BBX: variants seen among roughly 807,000 people sequenced by gnomAD.
BBX encodes BBX high mobility group box domain containing, also known as HMG box transcription factor BBX.
BBX carries 30 observed loss-of-function variants against 100.2 expected under a neutral mutation model. The observed-to-expected ratio is 0.30, with a 90% CI of 0.22 to 0.41. BBX has a LOEUF of 0.41. Among genes scored for constraint, BBX ranks in the 10% least tolerant of loss-of-function variants. The pLI is 1.00. For missense variants in BBX, 1,023 were observed against 1,129.8 expected (o/e 0.91, Z 1.35); for synonymous variants, 376 against 388.1 (o/e 0.97, Z 0.37).
chr3:107,640,451 A>G (rs937374352), intron 2 of BBX, among the ~76,000 whole-genome samples: 9 of 152,032 alleles, frequency 5.9e-5, no homozygotes, highest in Admixed American at 5.9e-4. Context: ...TGTATTCCCA[A>G]CTGCCATTGG....
chr3:107,797,364 A>ATATATATAT (rs71113691), intron 15 of BBX, among the ~76,000 whole-genome samples: 1 of 109,838 alleles, frequency 9.1e-6, no homozygotes, highest in Non-Finnish European at 1.9e-5. Flanking sequence ...ATATATATAT[A>ATATATATAT]GCTTTATTGC....
chr3:107,543,617 C>G (rs184349546), intron 2 of BBX, among the ~76,000 whole-genome samples: 3 of 152,154 alleles, frequency 2.0e-5, no homozygotes, highest in Non-Finnish European at 2.9e-5. Context: ...CCTGTGAAAA[C>G]AGAGCAAGAA....
chr3:107,587,419 T>G (rs2052939034), intron 2 of BBX, among the ~76,000 whole-genome samples: 1 of 152,136 alleles, frequency 6.6e-6, no homozygotes, highest in East Asian at 1.9e-4. Context: ...TTGGAATGAT[T>G]TGGATCTTCT....
chr3:107,731,001 A>G (rs2063283912), intron 6 of BBX, among the ~76,000 whole-genome samples: 1 of 152,180 alleles, frequency 6.6e-6, no homozygotes, highest in Non-Finnish European at 1.5e-5. Context: ...GTCACATGAC[A>G]TTTTGCAATT....
At chr3:107,635,380 T>C (rs2056788718) in intron 2 of BBX, among the ~76,000 whole-genome samples, 3 of 152,222 alleles carry the variant, frequency 2.0e-5, no homozygotes, top group Admixed American at 2.0e-4. Context: ...AAATGAATTG[T>C]GTGCCACTGT....
intron 2 of BBX, among the ~76,000 whole-genome samples, chr3:107,533,129 T>C (rs898643605): frequency 2.0e-5 from 3 of 152,182 alleles, no homozygotes. Flanking sequence ...AATTGTGAGG[T>C]ATTATCCTAG....
chr3:107,729,153 C>T (rs2063155881), intron 6 of BBX, among the ~76,000 whole-genome samples, 193 bp downstream of exon 6: 1 of 152,044 alleles, frequency 6.6e-6, no homozygotes, highest in Admixed American at 6.6e-5. Flanking sequence ...GATATATGGC[C>T]TCAGTGGTAG....
At position 107,700,411 on chromosome 3, in the gene BBX, CATCATTATTATTATTATT is replaced by C. The variant is rs1263349586; in HGVS notation, c.-9-10038_-9-10021del. ...AGGAGGCAAAGGTATTTTCTTTCAT[CATCATTATTATTATTATT>C]ATTATTATTATTATTATTATTATTA... On this transcript the variant is annotated intron_variant, in intron 3 of 17. Transcript: ENST00000325805. Among the ~76,000 whole-genome samples, 837 of 133,894 alleles carry C rather than the reference CATCATTATTATTATTATT, an allele frequency of 6.3e-3. 11 individuals are homozygous for C. Among genetic ancestry groups the C allele is most frequent in the South Asian group, 0.036 (157 of 4,340 alleles). The allele number at this position is 133,894 out of a possible 152,430, so 87.8% of individuals were successfully genotyped here.
intron 2 of BBX, among the ~76,000 whole-genome samples, chr3:107,550,859 T>C (rs1430069580): frequency 1.3e-5 from 2 of 152,102 alleles, no homozygotes; most frequent in Non-Finnish European, 2.9e-5. Flanking sequence ...GAGACCTGGA[T>C]AGAGGTAAGT....
intron 3 of BBX, among the ~76,000 whole-genome samples, chr3:107,690,221 GA>G (rs1302489462): frequency 6.6e-6 from 1 of 151,912 alleles, no homozygotes; most frequent in East Asian, 1.9e-4. Context: ...ATCTATCTTT[GA>G]AAAAAACTAA....
intron 2 of BBX, among the ~76,000 whole-genome samples, chr3:107,601,234 CACA>C (rs1034976515): frequency 1.3e-5 from 2 of 152,168 alleles, no homozygotes; most frequent in Admixed American, 6.5e-5. Context: ...TTGTCTCCAA[CACA>C]ACAATATTGA....
At chr3:107,711,197 A>G in intron 4 of BBX, 1 of 393,434 alleles carries the variant, frequency 2.5e-6, no homozygotes, top group Middle Eastern at 3.8e-4. Context: ...ATTCAAAGTC[A>G]AAAGATTTTC....
chr3:107,607,374 C>G (rs577460641), intron 2 of BBX, among the ~76,000 whole-genome samples: 3 of 152,164 alleles, frequency 2.0e-5, no homozygotes, highest in African/African-American at 7.2e-5. Flanking sequence ...AGCCACTGTG[C>G]CTGGTCAAGA....
intron 2 of BBX, among the ~76,000 whole-genome samples, chr3:107,560,852 G>T (rs539249780): frequency 1.9e-4 from 29 of 152,296 alleles, no homozygotes; most frequent in African/African-American, 6.5e-4. Flanking sequence ...TCTGAGCAAT[G>T]AGGAAGTCTA....
intron 2 of BBX, among the ~76,000 whole-genome samples, chr3:107,572,430 G>T (rs545140169): frequency 6.6e-6 from 1 of 152,212 alleles, no homozygotes; most frequent in Non-Finnish European, 1.5e-5. Flanking sequence ...TGCCAAAAAT[G>T]CCTGAAGCTG....
At chr3:107,680,029 A>T (rs1332842904) in intron 3 of BBX, among the ~76,000 whole-genome samples, 5 of 152,168 alleles carry the variant, frequency 3.3e-5, no homozygotes, top group Admixed American at 3.3e-4. Flanking sequence ...GAAGGCTGGG[A>T]GGAACAAGTG....
chr3:107,754,164 A>G (rs1270956652), intron 9 of BBX, among the ~76,000 whole-genome samples: 12 of 152,174 alleles, frequency 7.9e-5, no homozygotes, highest in African/African-American at 2.9e-4. Context: ...CAAAGGCCAT[A>G]TTCTTTCTAT....
intron 2 of BBX, among the ~76,000 whole-genome samples, chr3:107,578,321 A>C (rs2051969005): frequency 6.6e-6 from 1 of 152,178 alleles, no homozygotes; most frequent in African/African-American, 2.4e-5. Flanking sequence ...AACAGCAAGG[A>C]GCTACAGACG....
chr3:107,543,221 T>G (rs1040972134), intron 2 of BBX, among the ~76,000 whole-genome samples: 3 of 152,194 alleles, frequency 2.0e-5, no homozygotes, highest in Non-Finnish European at 4.4e-5. Flanking sequence ...TCTATCATTA[T>G]AAATTTGAAG....
Sources: gnomAD v4.1 joint callset for allele counts (sites outside exome capture counted in the v4.1 genomes callset) on GRCh38, gnomAD v4.1.1 for gene constraint, MANE v1.5 for transcripts, NCBI Gene and HGNC (gene_info 2026-07-23, HGNC 2026-07-21) for gene names.